Variants in LHFPL2 observed in about 807,000 individuals in gnomAD.
The protein encoded by LHFPL2 is LHFPL tetraspan subfamily member 2 protein.
A neutral mutation model predicts 17.5 loss-of-function variants in LHFPL2; 7 were observed. The ratio of observed to expected loss-of-function variants is 0.40; its 90% confidence interval spans 0.23 to 0.75. The LOEUF (loss-of-function observed/expected upper bound fraction) is 0.75, where lower values mean the gene tolerates loss of function less well. Ranked by LOEUF, LHFPL2 falls within the 30% of genes least tolerant of loss-of-function variation. LHFPL2 has a pLI of 0.37. For synonymous variants in LHFPL2, 134 were observed against 116.2 expected, an observed-to-expected ratio of 1.15 and a Z score of -0.99; for missense variants, 241 against 294.8, an observed-to-expected ratio of 0.82 and a Z score of 1.34.
chr5:78,563,913 T>G (rs1756795361), intron 3 of LHFPL2, among the ~76,000 whole-genome samples: 4 of 152,214 alleles, frequency 2.6e-5, no homozygotes, highest in Admixed American at 2.0e-4. Context: ...TTAGAACAAC[T>G]TAACATTTGA....
chr5:78,591,680 A>G (rs1743631883), intron 2 of LHFPL2, among the ~76,000 whole-genome samples: 1 of 152,172 alleles, frequency 6.6e-6, no homozygotes. Flanking sequence ...TCTGACAATT[A>G]TTAAATAAGA....
At chr5:78,491,018 A>T (rs546591292) in intron 4 of LHFPL2, 3 of 152,198 alleles carry the variant, frequency 2.0e-5, no homozygotes, top group African/African-American at 7.2e-5. Flanking sequence ...CAAAGAAAAC[A>T]TGACTGACTT....
intron 3 of LHFPL2, among the ~76,000 whole-genome samples, chr5:78,535,159 C>T (rs1048583764): frequency 1.3e-5 from 2 of 152,210 alleles, no homozygotes; most frequent in African/African-American, 2.4e-5. Flanking sequence ...CCCCAAGCCA[C>T]GCCACAGGGT....
chr5:78,639,167 A>G (rs1409356761), intron 1 of LHFPL2, among the ~76,000 whole-genome samples: 1 of 151,890 alleles, frequency 6.6e-6, no homozygotes, highest in African/African-American at 2.4e-5. Context: ...CCTTCCCACC[A>G]CCACCACCAT....
intron 2 of LHFPL2, among the ~76,000 whole-genome samples, chr5:78,591,856 G>C (rs934436935): frequency 2.0e-5 from 3 of 152,198 alleles, no homozygotes; most frequent in African/African-American, 7.2e-5. Flanking sequence ...ACACGGATAG[G>C]AGAAAAATAA....
chr5:78,565,938 T>C (rs1756848159), intron 2 of LHFPL2, among the ~76,000 whole-genome samples: 1 of 152,238 alleles, frequency 6.6e-6, no homozygotes, highest in Non-Finnish European at 1.5e-5. Flanking sequence ...CATTTAAAAG[T>C]AATTTCTTCA....
At chr5:78,585,887 G>A (rs890746) in intron 2 of LHFPL2, among the ~76,000 whole-genome samples, 60,487 of 151,976 alleles carry the variant, frequency 0.4, 12,352 homozygotes, top group Middle Eastern at 0.47. Flanking sequence ...GAGCCTGCCC[G>A]AGGTCCTGCC....
intron 3 of LHFPL2, among the ~76,000 whole-genome samples, chr5:78,528,764 A>C (rs1352798559): frequency 6.6e-6 from 1 of 152,246 alleles, no homozygotes; most frequent in Non-Finnish European, 1.5e-5. Flanking sequence ...TTTCACAAAT[A>C]GGAAACTGAG....
At position 78,510,042 on chromosome 5, in the gene LHFPL2, G is replaced by T; in HGVS notation, c.172C>A (p.His58Asn). 1.2e-6 allele frequency: 2 copies of T among 1,610,672 alleles called. No homozygotes were observed. The highest frequency in any genetic ancestry group is 1.7e-6 in the Non-Finnish European group (2 of 1,178,618). Residue 58 changes from histidine (H) to asparagine (N), a missense_variant, in exon 4 of 5, where the codon CAC becomes AAC. By Grantham distance (68) the His-to-Asn change is moderately conservative. Transcript: ENST00000380345. ...GPGGGSPEPY[H>N]PTLGIYARCI... ...CGGGCGTAGATGCCCAGGGTGGGGT[G>T]GTAGGGCTCCGGGGAGCCCCCGCCC...
chr5:78,541,405 C>T (rs373305207), intron 3 of LHFPL2, among the ~76,000 whole-genome samples: 12 of 152,304 alleles, frequency 7.9e-5, no homozygotes, highest in East Asian at 3.9e-4. Context: ...TTACCCAAAG[C>T]GCAGCCCTGG....
intron 3 of LHFPL2, among the ~76,000 whole-genome samples, chr5:78,525,854 C>T (rs943106726): frequency 6.6e-5 from 10 of 152,190 alleles, no homozygotes; most frequent in African/African-American, 1.9e-4. Context: ...GTGCAGAGGA[C>T]AGTTGTGATG....
chr5:78,532,088 C>T (rs907710162), intron 3 of LHFPL2, among the ~76,000 whole-genome samples: 2 of 152,102 alleles, frequency 1.3e-5, no homozygotes, highest in African/African-American at 4.8e-5. Flanking sequence ...CCACACCCAG[C>T]TAATTTTGTA....
intron 2 of LHFPL2, among the ~76,000 whole-genome samples, chr5:78,603,007 C>T (rs1170051862): frequency 6.6e-6 from 1 of 152,194 alleles, no homozygotes; most frequent in East Asian, 1.9e-4. Context: ...TCTCCTGCCT[C>T]AGCCTCCTGA....
intron 4 of LHFPL2, among the ~76,000 whole-genome samples, chr5:78,509,202 G>T (rs1276206597): frequency 6.6e-6 from 1 of 152,178 alleles, no homozygotes; most frequent in East Asian, 1.9e-4. Flanking sequence ...CATTCTGTCA[G>T]GCTCTAGGAG....
chr5:78,509,739 T>C, intron 4 of LHFPL2, 45 bp downstream of exon 4: 1 of 1,572,430 alleles, frequency 6.4e-7, no homozygotes, highest in Non-Finnish European at 8.7e-7. Flanking sequence ...CACCGGCAGC[T>C]CTCCATCCCT....
At chr5:78,561,316 A>G (rs766233708) in intron 3 of LHFPL2, among the ~76,000 whole-genome samples, 6 of 152,256 alleles carry the variant, frequency 3.9e-5, no homozygotes, top group African/African-American at 9.6e-5. Context: ...CGCACTAGTC[A>G]TATGTCAAGT....
intron 3 of LHFPL2, among the ~76,000 whole-genome samples, chr5:78,562,119 C>T (rs746226035): frequency 4.6e-5 from 7 of 152,222 alleles, no homozygotes; most frequent in Non-Finnish European, 1.0e-4. Context: ...TGCCAGGGAA[C>T]AGGCAGAGGA....
intron 4 of LHFPL2, among the ~76,000 whole-genome samples, chr5:78,501,404 C>A (rs1022651717): frequency 6.6e-6 from 1 of 152,180 alleles, no homozygotes; most frequent in Admixed American, 6.5e-5. Flanking sequence ...TCAAAGGAAG[C>A]AACTTCTGGC....
chr5:78,559,248 A>C (rs192323937), intron 3 of LHFPL2, among the ~76,000 whole-genome samples: 44 of 152,338 alleles, frequency 2.9e-4, no homozygotes, highest in African/African-American at 1.0e-3. Context: ...AAATACTTAC[A>C]AAGTGGATGT....
Sources: gnomAD v4.1 joint callset for allele counts (sites outside exome capture counted in the v4.1 genomes callset) on GRCh38, gnomAD v4.1.1 for gene constraint, MANE v1.5 for transcripts, NCBI Gene and HGNC (gene_info 2026-07-23, HGNC 2026-07-21) for gene names.